GARIN2: variants seen among roughly 807,000 people sequenced by gnomAD.
GARIN2 encodes golgi associated RAB2 interactor family member 2.
the GARIN2 span, chr14:67,221,727 A>G: frequency 6.2e-7 from 1 of 1,603,730 alleles, no homozygotes; most frequent in Non-Finnish European, 8.5e-7. Context: ...TCTTTTCTAA[A>G]TATTTGTGGT....
At chr14:67,192,290 G>A in the GARIN2 span, among the ~76,000 whole-genome samples, 13 of 152,140 alleles carry the variant, frequency 8.5e-5, no homozygotes, top group Non-Finnish European at 1.8e-4. Context: ...TCTGTGCCAT[G>A]GAGCTAGCTC....
At chr14:67,204,886 T>C in the GARIN2 span, 1 of 1,613,916 alleles carries the variant, frequency 6.2e-7, no homozygotes, top group Non-Finnish European at 8.5e-7. Context: ...TTTCCCAGAA[T>C]TCACAGACAT....
chr14:67,203,328 A>G, the GARIN2 span: 1 of 1,508,926 alleles, frequency 6.6e-7, no homozygotes, highest in Non-Finnish European at 9.0e-7. Context: ...AAGATCTCTC[A>G]GAAGATGTGC....
the GARIN2 span, among the ~76,000 whole-genome samples, chr14:67,195,498 G>A: frequency 1.3e-5 from 2 of 152,104 alleles, no homozygotes; most frequent in East Asian, 1.9e-4. Flanking sequence ...AGTGTGAACC[G>A]TAGACACACC....
At chr14:67,200,191 C>T in the GARIN2 span, 1 of 1,140,306 alleles carries the variant, frequency 8.8e-7, no homozygotes, top group Non-Finnish European at 1.2e-6. Flanking sequence ...TGGACTTCCT[C>T]CACTGATGCC....
At chr14:67,189,537 A>C in the GARIN2 span, 1 of 152,130 alleles carries the variant, frequency 6.6e-6, no homozygotes, top group Non-Finnish European at 1.5e-5. Context: ...CATCCAGGAG[A>C]TCTCCAGAGA....
At chr14:67,191,813 G>A in the GARIN2 span, among the ~76,000 whole-genome samples, 12 of 152,174 alleles carry the variant, frequency 7.9e-5, no homozygotes, top group Non-Finnish European at 4.4e-5. Flanking sequence ...GTTGGTTTCC[G>A]ATCTGTAATC....
chr14:67,203,529 C>T, the GARIN2 span, among the ~76,000 whole-genome samples: 1 of 152,170 alleles, frequency 6.6e-6, no homozygotes, highest in Admixed American at 6.5e-5. Context: ...ACTGAAGACT[C>T]ATAATAAACT....
chr14:67,196,854 C>T, the GARIN2 span: 4 of 152,258 alleles, frequency 2.6e-5, no homozygotes, highest in South Asian at 8.3e-4. Flanking sequence ...CTAACTCTTT[C>T]TGAGGCCTTG....
At chr14:67,226,083 G>A in the GARIN2 span, among the ~76,000 whole-genome samples, 1 of 152,180 alleles carries the variant, frequency 6.6e-6, no homozygotes, top group African/African-American at 2.4e-5. Context: ...TCTTGGCAGG[G>A]CCTTGCTGAT....
the GARIN2 span, chr14:67,198,402 A>G: frequency 1.5e-6 from 2 of 1,323,206 alleles, no homozygotes; most frequent in African/African-American, 2.9e-5. Context: ...TGGTAGGAGA[A>G]TTGTTTTAAA....
chr14:67,211,973 G>C, the GARIN2 span, among the ~76,000 whole-genome samples: 5 of 152,140 alleles, frequency 3.3e-5, no homozygotes, highest in Non-Finnish European at 5.9e-5. Flanking sequence ...ATTTGTCCTG[G>C]ATAGACTTTA....
At chr14:67,226,840 G>T in the GARIN2 span, among the ~76,000 whole-genome samples, 1 of 152,150 alleles carries the variant, frequency 6.6e-6, no homozygotes, top group Admixed American at 6.5e-5. Context: ...CCTTAAGAAT[G>T]CTCCTAATAT....
At chr14:67,223,412 T>C in the GARIN2 span, among the ~76,000 whole-genome samples, 14 of 152,244 alleles carry the variant, frequency 9.2e-5, no homozygotes, top group Non-Finnish European at 1.8e-4. Flanking sequence ...AATGCTATCA[T>C]AGCTTACAAG....
the GARIN2 span, among the ~76,000 whole-genome samples, chr14:67,212,129 T>A: frequency 6.6e-6 from 1 of 152,028 alleles, no homozygotes; most frequent in South Asian, 2.1e-4. Flanking sequence ...TATAATGAAA[T>A]GAAAACAGTA....
chr14:67,220,317 C>T, the GARIN2 span, among the ~76,000 whole-genome samples: 1 of 152,100 alleles, frequency 6.6e-6, no homozygotes, highest in Non-Finnish European at 1.5e-5. Context: ...GTAGTGCACA[C>T]CTGAGGTCCC....
chr14:67,198,932 A>G, the GARIN2 span: 11 of 700,150 alleles, frequency 1.6e-5, no homozygotes, highest in Non-Finnish European at 2.9e-5. Flanking sequence ...GTCTAACACT[A>G]AACACTGAGC....
chr14:67,199,007 GGAGGACAACA>G, the GARIN2 span: 1 of 707,908 alleles, frequency 1.4e-6, no homozygotes, highest in South Asian at 1.5e-5. Flanking sequence ...GGGTGACAAG[GGAGGACAACA>G]GACACTTCAA....
the GARIN2 span, among the ~76,000 whole-genome samples, chr14:67,190,863 T>C: frequency 6.6e-6 from 1 of 152,196 alleles, no homozygotes; most frequent in Non-Finnish European, 1.5e-5. Context: ...TTCAAAGTGC[T>C]GGGAATAATT....
Sources: gnomAD v4.1 joint callset for allele counts (sites outside exome capture counted in the v4.1 genomes callset) on GRCh38, gnomAD v4.1.1 for gene constraint, MANE v1.5 for transcripts, NCBI Gene and HGNC (gene_info 2026-07-23, HGNC 2026-07-21) for gene names.